Variants in BCL11A observed in about 807,000 individuals in gnomAD.
BCL11A encodes the protein B cell CLL/lymphoma 11A.
A neutral mutation model predicts 55.9 loss-of-function variants in BCL11A; 2 were observed. The ratio of observed to expected loss-of-function variants is 0.04; its 90% CI spans 0.01 to 0.11. The LOEUF (loss-of-function observed/expected upper bound fraction) is 0.11. Among genes scored for constraint, BCL11A ranks in the 10% least tolerant of loss-of-function variants. The pLI, the probability that BCL11A is intolerant of heterozygous loss-of-function variation, is 1.00. For synonymous variants in BCL11A, 465 were observed against 473.4 expected (o/e 0.98, Z 0.23); for missense variants, 817 against 1,137.1 (o/e 0.72, Z 4.05).
chr2:60,549,127 T>A (rs1250527406), intron 1 of BCL11A, among the ~76,000 whole-genome samples: 2 of 152,188 alleles, frequency 1.3e-5, no homozygotes, highest in African/African-American at 2.4e-5. Flanking sequence ...GCGAATTCTC[T>A]CTACGAGGGG....
chr2:60,547,887 C>A (rs1351927958), intron 1 of BCL11A, among the ~76,000 whole-genome samples: 2 of 152,162 alleles, frequency 1.3e-5, no homozygotes, highest in African/African-American at 4.8e-5. Flanking sequence ...AATTTCTAGC[C>A]TCTGGTACTC....
intron 2 of BCL11A, chr2:60,525,801 GA>G (rs2104590527): frequency 6.6e-6 from 1 of 152,306 alleles, no homozygotes; most frequent in Non-Finnish European, 1.5e-5. Context: ...TTTGGTTCTG[GA>G]AAATCTGTAA....
intron 2 of BCL11A, among the ~76,000 whole-genome samples, chr2:60,470,834 A>G (rs1677153992): frequency 6.6e-6 from 1 of 152,204 alleles, no homozygotes; most frequent in African/African-American, 2.4e-5. Context: ...TCTAAGTTGT[A>G]AAAAACCCTA....
At chr2:60,452,161 A>G in exon 5 of BCL11A, 1 of 230,958 alleles carries the variant, frequency 4.3e-6, no homozygotes, top group East Asian at 6.2e-5. Context: ...CACCACCTAA[A>G]GCTCCAACAT....
chr2:60,450,958 A>G (rs1675702023), downstream of BCL11A: 1 of 166,422 alleles, frequency 6.0e-6, no homozygotes, highest in Admixed American at 6.4e-5. Context: ...TCAGTTAAAC[A>G]GAGTTTGGTG....
intron 2 of BCL11A, among the ~76,000 whole-genome samples, chr2:60,502,444 A>T (rs1255253315): frequency 1.3e-5 from 2 of 152,248 alleles, no homozygotes; most frequent in African/African-American, 2.4e-5. Context: ...TCAGAAGAGT[A>T]GCAGGGGGTT....
chr2:60,520,450 A>G (rs1668927806), intron 2 of BCL11A, among the ~76,000 whole-genome samples: 1 of 152,204 alleles, frequency 6.6e-6, no homozygotes. Flanking sequence ...GTGCCACCAA[A>G]TTTTTTAAAA....
At chr2:60,467,296 G>A (rs1292194517) in intron 3 of BCL11A, among the ~76,000 whole-genome samples, 3 of 103,414 alleles carry the variant, frequency 2.9e-5, no homozygotes, top group Admixed American at 1.0e-4. Context: ...TGATGGTGGT[G>A]GTAATGGTGG....
At chr2:60,552,162 G>C (rs1301109867) in intron 1 of BCL11A, among the ~76,000 whole-genome samples, 2 of 151,926 alleles carry the variant, frequency 1.3e-5, no homozygotes, top group Non-Finnish European at 2.9e-5. Context: ...GGGAGTCAAA[G>C]AGAAGGCCGT....
At chr2:60,455,409 T>G (rs1372847081), downstream of BCL11A, among the ~76,000 whole-genome samples, 1 of 152,230 alleles carries the variant, frequency 6.6e-6, no homozygotes, top group Non-Finnish European at 1.5e-5. Context: ...GATATCATGT[T>G]GGCTAGGTTC....
At chr2:60,538,190 T>C (rs1669757157) in intron 2 of BCL11A, 1 of 152,204 alleles carries the variant, frequency 6.6e-6, no homozygotes, top group Non-Finnish European at 1.5e-5. Flanking sequence ...TTTAGGTATA[T>C]ATAATTTGTT....
chr2:60,500,672 G>T (rs1229112930), intron 2 of BCL11A, among the ~76,000 whole-genome samples: 1 of 152,146 alleles, frequency 6.6e-6, no homozygotes, highest in Non-Finnish European at 1.5e-5. Flanking sequence ...ATAAGACAAG[G>T]TATAAGGCTG....
chr2:60,504,412 G>A (rs1679458588), intron 2 of BCL11A, among the ~76,000 whole-genome samples: 1 of 152,162 alleles, frequency 6.6e-6, no homozygotes, highest in Non-Finnish European at 1.5e-5. Context: ...TGACACACTT[G>A]AACCTTCCTC....
intron 2 of BCL11A, among the ~76,000 whole-genome samples, chr2:60,490,660 A>G (rs1678578763): frequency 6.6e-6 from 1 of 152,176 alleles, no homozygotes; most frequent in Non-Finnish European, 1.5e-5. Context: ...ATTGCTGGTT[A>G]ACCCTCTATG....
chr2:60,492,819 G>C (rs1404424306), intron 2 of BCL11A, among the ~76,000 whole-genome samples: 1 of 152,152 alleles, frequency 6.6e-6, no homozygotes, highest in Non-Finnish European at 1.5e-5. Context: ...TTTCGCTTTA[G>C]CTTTATTAAG....
At chr2:60,482,272 T>G (rs1678004774) in intron 2 of BCL11A, among the ~76,000 whole-genome samples, 1 of 151,996 alleles carries the variant, frequency 6.6e-6, no homozygotes, top group Non-Finnish European at 1.5e-5. Context: ...TGTTTCCTGT[T>G]CACGGAGCGG....
intron 3 of BCL11A, among the ~76,000 whole-genome samples, chr2:60,463,430 C>T (rs1676431065): frequency 6.6e-6 from 1 of 152,252 alleles, no homozygotes; most frequent in Non-Finnish European, 1.5e-5. Flanking sequence ...AATTATACAA[C>T]ATCCTGCGCC....
intron 3 of BCL11A, among the ~76,000 whole-genome samples, chr2:60,464,930 C>T (rs1366218926): frequency 2.0e-5 from 3 of 152,138 alleles, no homozygotes; most frequent in African/African-American, 4.8e-5. Flanking sequence ...TTTTCACTAT[C>T]GCATTTTAGT....
chr2:60,507,354 GAAGGGAAGGGAAGGGAAGGGA>G (rs1679697801), intron 2 of BCL11A, among the ~76,000 whole-genome samples: 1 of 54,572 alleles, frequency 1.8e-5, no homozygotes, highest in Non-Finnish European at 3.3e-5. Context: ...GAAGGGAAGG[GAAGGGAAGGGAAGGGAAGGGA>G]AGGGAGGGAG....
Sources: gnomAD v4.1 joint callset for allele counts (sites outside exome capture counted in the v4.1 genomes callset) on GRCh38, gnomAD v4.1.1 for gene constraint, MANE v1.5 for transcripts, NCBI Gene and HGNC (gene_info 2026-07-23, HGNC 2026-07-21) for gene names.